The following AFDN variants were observed in gnomAD, a reference collection of about 807,000 sequenced individuals.
AFDN encodes the protein afadin.
A neutral mutation model predicts 216.6 loss-of-function variants in AFDN; 68 were observed. The ratio of observed to expected loss-of-function variants is 0.31; its 90% CI spans 0.26 to 0.38. The LOEUF is 0.38. Ranked by LOEUF, AFDN falls within the 10% of genes least tolerant of loss-of-function variation. The pLI is 1.00. For missense variants in AFDN, 2,136 were observed against 2,342.0 expected (o/e 0.91, Z 1.82); for synonymous variants, 868 against 853.7 (o/e 1.02, Z -0.29).
chr6:167,858,145 T>G (rs1228136892), intron 1 of AFDN, among the ~76,000 whole-genome samples: 1 of 152,158 alleles, frequency 6.6e-6, no homozygotes, highest in African/African-American at 2.4e-5. Context: ...TAATGCTGAC[T>G]AAGAGTTTGG....
At chr6:167,963,830 G>A in intron 31 of AFDN, 3 of 1,063,712 alleles carry the variant, frequency 2.8e-6, no homozygotes, top group Non-Finnish European at 2.3e-6. Flanking sequence ...AAAATGCTGA[G>A]CCGCTTGATG....
At chr6:167,828,211 G>T (rs1213800576) in intron 1 of AFDN, among the ~76,000 whole-genome samples, 1 of 152,192 alleles carries the variant, frequency 6.6e-6, no homozygotes, top group Non-Finnish European at 1.5e-5. Context: ...GTTGTAATAG[G>T]TAATTTATAG....
intron 1 of AFDN, among the ~76,000 whole-genome samples, chr6:167,851,927 AACTGAATTATTTTCATATT>A (rs1214918481): frequency 6.6e-6 from 1 of 152,234 alleles, no homozygotes; most frequent in Non-Finnish European, 1.5e-5. Flanking sequence ...TGGTAATTAT[AACTGAATTATTTTCATATT>A]ACACATTTTT....
At chr6:167,938,159 G>A (rs983076558) in intron 23 of AFDN, among the ~76,000 whole-genome samples, 8 of 152,324 alleles carry the variant, frequency 5.3e-5, no homozygotes, top group African/African-American at 1.9e-4. Context: ...TGGGCTGGCA[G>A]GTGAGCCTCG....
chr6:167,864,246 T>C (rs1000135240), intron 1 of AFDN: 1 of 585,848 alleles, frequency 1.7e-6, no homozygotes, highest in South Asian at 1.4e-5. Flanking sequence ...CTTATAAATA[T>C]TGAGTGTCAT....
At chr6:167,934,014 C>T (rs1355539186) in intron 23 of AFDN, among the ~76,000 whole-genome samples, 4 of 152,166 alleles carry the variant, frequency 2.6e-5, no homozygotes, top group Non-Finnish European at 4.4e-5. Context: ...AGGCTCACCT[C>T]CAGTGGTCTC....
Position 167,971,177 on chromosome 6 carries a change from C to T in AFDN, c.*1242C>T. On this transcript the variant is annotated 3_prime_UTR_variant, in exon 34 of 34. Transcript: ENST00000683244. ...ATTTGACAAAGCCCTTGGTGGAGTCCAAATGATTTTTCTGTACCATATTGT... is the reference window on the plus strand; with the variant it reads ...ATTTGACAAAGCCCTTGGTGGAGTCTAAATGATTTTTCTGTACCATATTGT... 1 of 220,758 alleles carries T rather than the reference C, an allele frequency of 4.5e-6. No individual in the cohort carries two copies. Among genetic ancestry groups the T allele is most frequent in the Non-Finnish European group, 9.1e-6 (1 of 110,366 alleles). The allele number at this position is 220,758 out of a possible 1,614,324, so 13.7% of individuals were successfully genotyped here. A position where few individuals can be genotyped will look rare whatever the true frequency, so the allele number is the denominator to read the frequency against.
intron 1 of AFDN, among the ~76,000 whole-genome samples, chr6:167,846,318 C>G (rs150893688): frequency 0.012 from 1,825 of 152,092 alleles, 23 homozygotes; most frequent in Non-Finnish European, 0.018. Context: ...TAAATGTTGA[C>G]TAGTTTAGAT....
rs1177959312 is a variant in AFDN, at chr6:167,970,842, C to A, written c.*907C>A. ...GAATGGGAGATGAGTAGGGACCCCTCAAGCACAGCTGTCACTCAGAAATTT... is the reference window on the plus strand; with the variant it reads ...GAATGGGAGATGAGTAGGGACCCCTAAAGCACAGCTGTCACTCAGAAATTT... On this transcript the variant is annotated 3_prime_UTR_variant, in exon 34 of 34. Coordinates refer to ENST00000683244, the MANE Select transcript of AFDN (RefSeq NM_001386888.1). 1 of 218,598 alleles carries A rather than the reference C, an allele frequency of 4.6e-6. No individual in the cohort carries two copies. The highest frequency in any genetic ancestry group is 2.3e-5 in the African/African-American group (1 of 44,404). 13.5% of individuals were successfully genotyped at this position (218,598 alleles called of 1,614,324 possible).
intron 1 of AFDN, among the ~76,000 whole-genome samples, chr6:167,849,414 A>G (rs939651436): frequency 3.9e-5 from 6 of 152,110 alleles, no homozygotes; most frequent in African/African-American, 1.4e-4. Context: ...TTTGTGTTCA[A>G]TTATAGCTAG....
At chr6:167,895,895 G>A (rs1282101712) in intron 9 of AFDN, among the ~76,000 whole-genome samples, 1 of 152,168 alleles carries the variant, frequency 6.6e-6, no homozygotes, top group African/African-American at 2.4e-5. Context: ...AGCTTTGGTG[G>A]GTGGTGTGCT....
intron 8 of AFDN, 73 bp downstream of exon 8, chr6:167,891,102 G>C: frequency 8.1e-7 from 1 of 1,235,504 alleles, no homozygotes; most frequent in Non-Finnish European, 1.1e-6. Context: ...ACTTTCTAAT[G>C]CATCTTCAAG....
intron 10 of AFDN, among the ~76,000 whole-genome samples, chr6:167,897,859 T>C (rs1157072402): frequency 1.3e-5 from 2 of 151,996 alleles, no homozygotes; most frequent in African/African-American, 2.4e-5. Flanking sequence ...TTGGCCAGGA[T>C]AGTCTCGATC....
intron 31 of AFDN, chr6:167,963,200 G>C (rs2128749548): frequency 9.4e-7 from 1 of 1,065,722 alleles, no homozygotes; most frequent in South Asian, 4.5e-5. Flanking sequence ...GAGAAATGGG[G>C]ATTTTGAGAT....
chr6:167,920,550 A>C (rs1302861702), intron 21 of AFDN, among the ~76,000 whole-genome samples: 1 of 151,978 alleles, frequency 6.6e-6, no homozygotes, highest in Non-Finnish European at 1.5e-5. Flanking sequence ...TCCTCACTCC[A>C]CTTTTTCATT....
At chr6:167,923,924 C>G (rs953026513) in intron 22 of AFDN, among the ~76,000 whole-genome samples, 1 of 152,006 alleles carries the variant, frequency 6.6e-6, no homozygotes, top group African/African-American at 2.4e-5. Flanking sequence ...CTCGCCCGGC[C>G]CCTAATACTT....
At chr6:167,892,267 A>G (rs1356543872) in intron 8 of AFDN, among the ~76,000 whole-genome samples, 1 of 152,176 alleles carries the variant, frequency 6.6e-6, no homozygotes, top group Non-Finnish European at 1.5e-5. Context: ...TGGAAAGTTT[A>G]CTTGAAGCTT....
chr6:167,892,928 C>T lies in AFDN; in HGVS notation c.1178-934C>T, dbSNP rs373464285. On this transcript the variant is annotated intron_variant, in intron 8 of 33. Transcript: ENST00000683244. Reference sequence around the variant, plus strand: ...CTGCATCCCTCATGGCACTCTGCTGCCTTCAGTCAGCATTCACTGACCCTT... The same window carrying T: ...CTGCATCCCTCATGGCACTCTGCTGTCTTCAGTCAGCATTCACTGACCCTT... Among the ~76,000 whole-genome samples the T allele has an allele frequency of 2.6e-4, 40 of 152,264 alleles. 1 individual carries two copies. In the South Asian group the frequency reaches 8.3e-3, roughly 32 times the overall value.
chr6:167,894,814 A>T (rs2128363020), intron 9 of AFDN, among the ~76,000 whole-genome samples: 1 of 152,304 alleles, frequency 6.6e-6, no homozygotes, highest in African/African-American at 2.4e-5. Context: ...ATAGCTCTTT[A>T]TTGTCTCATA....
Sources: gnomAD v4.1 joint callset for allele counts (sites outside exome capture counted in the v4.1 genomes callset) on GRCh38, gnomAD v4.1.1 for gene constraint, MANE v1.5 for transcripts, NCBI Gene and HGNC (gene_info 2026-07-23, HGNC 2026-07-21) for gene names.